Variants in UNC5A observed in about 807,000 individuals in gnomAD.
UNC5A encodes unc-5 netrin receptor A.
A neutral mutation model predicts 87.4 loss-of-function variants in UNC5A; 20 were observed. The ratio of observed to expected loss-of-function variants is 0.23; its 90% CI spans 0.16 to 0.33. The LOEUF (loss-of-function observed/expected upper bound fraction) is 0.33, where lower values mean the gene tolerates loss of function less well. Ranked by LOEUF, UNC5A falls within the 10% of genes least tolerant of loss-of-function variation. The probability of loss-of-function intolerance (pLI) is 1.00; values close to 1 mark genes in which losing one functional copy is unlikely to be tolerated. For missense variants in UNC5A, 844 were observed against 1,133.4 expected, an observed-to-expected ratio of 0.74 and a Z score of 3.67; for synonymous variants, 438 against 482.3, an observed-to-expected ratio of 0.91 and a Z score of 1.20.
intron 1 of UNC5A, among the ~76,000 whole-genome samples, chr5:176,859,496 G>A (rs1164346609): frequency 7.0e-6 from 1 of 142,142 alleles, no homozygotes; most frequent in African/African-American, 2.6e-5. Flanking sequence ...CTGCTAGAAT[G>A]CCCTTGCTAG....
intron 1 of UNC5A, among the ~76,000 whole-genome samples, chr5:176,830,919 T>C (rs1581249265): frequency 7.4e-6 from 1 of 134,510 alleles, no homozygotes; most frequent in East Asian, 2.0e-4. Flanking sequence ...TGCCGGCGTG[T>C]GTGTGGGTGT....
chr5:176,878,889 G>A (rs78776543), intron 13 of UNC5A, among the ~76,000 whole-genome samples: 4,474 of 152,244 alleles, frequency 0.029, 104 homozygotes, highest in African/African-American at 0.065. Flanking sequence ...GACCCTGGAG[G>A]GCTTCCCTGA....
chr5:176,856,575 A>T (rs1243529821), intron 1 of UNC5A, among the ~76,000 whole-genome samples: 1 of 152,222 alleles, frequency 6.6e-6, no homozygotes, highest in Non-Finnish European at 1.5e-5. Context: ...CTGAAGTGGC[A>T]TTAACCCAGA....
At chr5:176,849,320 C>T (rs1015170960) in intron 1 of UNC5A, among the ~76,000 whole-genome samples, 1 of 152,222 alleles carries the variant, frequency 6.6e-6, no homozygotes, top group African/African-American at 2.4e-5. Flanking sequence ...CGCAGTGGCT[C>T]ACGCCTGTAA....
At chr5:176,873,495 G>A (rs950339136) in intron 6 of UNC5A, among the ~76,000 whole-genome samples, 2 of 152,062 alleles carry the variant, frequency 1.3e-5, no homozygotes, top group African/African-American at 4.8e-5. Flanking sequence ...CCAGGCCTTG[G>A]GGAGGCAGAC....
chr5:176,878,153 C>A, intron 11 of UNC5A, 26 bp downstream of exon 11: 1 of 1,604,170 alleles, frequency 6.2e-7, no homozygotes. Context: ...CACCCCCCGC[C>A]GCTGGGAGGC....
Position 176,869,511 on chromosome 5 carries a change from C to T in UNC5A, c.721+547C>T, listed in dbSNP as rs750976985. On this transcript the variant is annotated intron_variant, in intron 5 of 14. Transcript: ENST00000329542. The surrounding 1 kb of genome is among the most constrained non-coding windows in gnomAD (Gnocchi z 9.1). The stretch of plus-strand genomic sequence containing the variant: ...TCTCCCAGCTCAGCCACAGCCCACC[C>T]GTGTCCAGCTCACAGCCCCTCTGCC... The T allele has an allele frequency of 1.1e-4, 65 of 610,112 alleles. No individual in the cohort carries two copies. The highest frequency in any genetic ancestry group is 2.0e-4 in the Admixed American group (8 of 39,918). The allele number at this position is 610,112 out of a possible 1,614,324, so 37.8% of individuals were successfully genotyped here.
In UNC5A at chr5:176,810,638, G is replaced by C. The variant is rs931492017; in HGVS notation, c.-113G>C. The C allele has an allele frequency of 7.9e-6, 2 of 252,494 alleles. No homozygotes were observed. The highest frequency in any genetic ancestry group is 1.2e-5 in the Non-Finnish European group (2 of 161,956). The allele number at this position is 252,494 out of a possible 1,614,324, so 15.6% of individuals were successfully genotyped here. ...CGGCCGCCCGGAGGCAGCGCAGTCC[G>C]CTGGCATGGGCCCCGGGGGCGCCCC... On this transcript the variant is annotated 5_prime_UTR_variant, in exon 1 of 15. Coordinates refer to ENST00000329542, the MANE Select transcript of UNC5A (RefSeq NM_133369.3). This position sits in a 1 kb window ranked among gnomAD's most constrained non-coding sequence, Gnocchi z 7.3.
In UNC5A at chr5:176,879,869, T is replaced by C; in HGVS notation, c.2512T>C (p.Ser838Pro). The change falls in exon 15 of 15, where the codon TCG becomes CCG. Residue 838 changes from serine to proline, a missense_variant. By Grantham distance (74) the Ser-to-Pro change is moderately conservative. This residue lies in a region of UNC5A where 177 missense variants were observed against 279.4 expected (regional missense o/e 0.63). Coordinates refer to ENST00000329542, the MANE Select transcript of UNC5A (RefSeq NM_133369.3). ...GQPDAGLFTV[S>P]EAEC The stretch of plus-strand genomic sequence containing the variant: ...GCCAGACGCTGGCCTCTTCACAGTG[T>C]CGGAGGCTGAGTGCTGAGGCCGGCC... 2.5e-6 allele frequency: 4 copies of C among 1,611,748 alleles called. 1 individual carries two copies. The highest frequency in any genetic ancestry group is 2.2e-5 in the South Asian group (2 of 91,028).
At chr5:176,876,773 G>T (rs893059528) in intron 8 of UNC5A, among the ~76,000 whole-genome samples, 1 of 152,150 alleles carries the variant, frequency 6.6e-6, no homozygotes, top group African/African-American at 2.4e-5. Flanking sequence ...TGTAGCACTG[G>T]CTGGGCTAGA....
At chr5:176,833,809 C>T (rs532762262) in intron 1 of UNC5A, among the ~76,000 whole-genome samples, 116 of 151,580 alleles carry the variant, frequency 7.7e-4, no homozygotes, top group African/African-American at 2.4e-3. Context: ...CCTGGGTTCG[C>T]GCCATTTTCC....
At chr5:176,843,342 A>C (rs1260089344) in intron 1 of UNC5A, among the ~76,000 whole-genome samples, 1 of 152,152 alleles carries the variant, frequency 6.6e-6, no homozygotes, top group Non-Finnish European at 1.5e-5. Context: ...AGTACTGTGT[A>C]CCGCTAAAGA....
chr5:176,814,851 G>A (rs1397859587), intron 1 of UNC5A, among the ~76,000 whole-genome samples: 1 of 152,200 alleles, frequency 6.6e-6, no homozygotes, highest in Admixed American at 6.5e-5. Flanking sequence ...GGCAGGGAGG[G>A]CTGCTATTGC....
chr5:176,871,871 C>A lies in UNC5A; in HGVS notation c.886+1337C>A, dbSNP rs866732220. Among the ~76,000 whole-genome samples, 24 of 8,092 alleles carry A rather than the reference C, an allele frequency of 3.0e-3. 1 individual carries two copies. Among genetic ancestry groups the A allele is most frequent in the African/African-American group, 3.7e-3 (19 of 5,104 alleles). 5.3% of individuals were successfully genotyped at this position (8,092 alleles called of 152,430 possible). A position where few individuals can be genotyped will look rare whatever the true frequency, so the allele number is the denominator to read the frequency against. On this transcript the variant is annotated intron_variant, in intron 6 of 14. Coordinates refer to ENST00000329542, the MANE Select transcript of UNC5A (RefSeq NM_133369.3). ...ACAGCTTCCCATCTGCCCACACTCG[C>A]CCAACACCACAGCTTCCCATCTGCC...
At chr5:176,872,846 G>C (rs1758159058) in intron 6 of UNC5A, among the ~76,000 whole-genome samples, 1 of 100,634 alleles carries the variant, frequency 9.9e-6, no homozygotes, top group African/African-American at 3.9e-5. Flanking sequence ...CTTCCCATCT[G>C]CCCACACTCA....
intron 1 of UNC5A, among the ~76,000 whole-genome samples, chr5:176,861,801 G>T (rs962296065): frequency 2.4e-5 from 3 of 127,628 alleles, no homozygotes; most frequent in East Asian, 2.1e-4. Flanking sequence ...GCGCATTGGT[G>T]GGGGGATCAC....
chr5:176,827,587 C>T (rs532938286), intron 1 of UNC5A, among the ~76,000 whole-genome samples: 9 of 152,242 alleles, frequency 5.9e-5, no homozygotes, highest in East Asian at 3.9e-4. Flanking sequence ...TACCTTTTGG[C>T]GACTGAATAA....
chr5:176,851,061 G>A (rs1757530457), intron 1 of UNC5A, among the ~76,000 whole-genome samples: 1 of 152,178 alleles, frequency 6.6e-6, no homozygotes, highest in Non-Finnish European at 1.5e-5. Context: ...GTGTTGGCCG[G>A]TGCCTAGCAC....
chr5:176,831,883 CTCTTTTTTTTTTTTTT>C (rs1421438799), intron 1 of UNC5A, among the ~76,000 whole-genome samples: 3 of 115,312 alleles, frequency 2.6e-5, no homozygotes, highest in African/African-American at 7.3e-5. Context: ...CTTTCTCTCT[CTCTTTTTTTTTTTTTT>C]TTTTTTTTTT....
Sources: gnomAD v4.1 joint callset for allele counts (sites outside exome capture counted in the v4.1 genomes callset) on GRCh38, gnomAD v4.1.1 for gene constraint, gnomAD v4.1.1 regional missense constraint, Gnocchi (gnomAD v3.1) non-coding constraint, MANE v1.5 for transcripts, NCBI Gene and HGNC (gene_info 2026-07-23, HGNC 2026-07-21) for gene names.